NEDD4L: variants seen among roughly 807,000 people sequenced by gnomAD.
NEDD4L encodes the protein NEDD4 like E3 ubiquitin protein ligase.
Under a neutral mutation model 148.9 loss-of-function variants are expected in NEDD4L, and 54 were observed. The observed-to-expected ratio is 0.36, with a 90% CI of 0.29 to 0.45. The LOEUF (loss-of-function observed/expected upper bound fraction) is 0.45. Among genes scored for constraint, NEDD4L ranks in the 20% least tolerant of loss-of-function variants. The pLI, the probability that NEDD4L is intolerant of heterozygous loss-of-function variation, is 1.00. For synonymous variants in NEDD4L, 433 were observed against 440.7 expected (o/e 0.98, Z 0.22); for missense variants, 856 against 1,233.8 (o/e 0.69, Z 4.59).
rs1345618352 is a variant in NEDD4L at position 58,358,806 on chromosome 18, TCTTGA to T, written c.1767+1558_1767+1562del. ...TTGGCAATTTTCATTTGATTTTTCT[TCTTGA>T]CTTATACATTATTTAAAATATGCTT... On this transcript the variant is annotated intron_variant, in intron 19 of 30. Coordinates refer to ENST00000400345, the MANE Select transcript of NEDD4L (RefSeq NM_001144967.3). 5.9e-5 allele frequency among the ~76,000 whole-genome samples: 9 copies of T among 152,334 alleles called. No homozygotes were observed. The East Asian group carries it at 1.7e-3, about 29-fold the overall frequency.
intron 1 of NEDD4L, among the ~76,000 whole-genome samples, chr18:58,059,166 G>A (rs919593851): frequency 3.3e-5 from 5 of 152,026 alleles, no homozygotes; most frequent in East Asian, 1.9e-4. Context: ...TGGGCTCAGC[G>A]GTTTCTCCCA....
In NEDD4L at chr18:58,153,942, C is replaced by T. The variant is rs547995202; in HGVS notation, c.49-11846C>T. 6.6e-5 allele frequency among the ~76,000 whole-genome samples: 10 copies of T among 152,306 alleles called. No homozygotes were observed. The East Asian group carries it at 7.7e-4, about 12-fold the overall frequency. On this transcript the variant is annotated intron_variant, in intron 1 of 30. Coordinates refer to ENST00000400345, the MANE Select transcript of NEDD4L (RefSeq NM_001144967.3). ...GATTACAGGCGTGAGTCACCGCACC[C>T]GGCCCGAAATATTGTTAAAACCAAG...
chr18:58,166,386 A>G (rs2036846239), intron 2 of NEDD4L, among the ~76,000 whole-genome samples: 3 of 152,176 alleles, frequency 2.0e-5, no homozygotes, highest in African/African-American at 4.8e-5. Flanking sequence ...TCAGTATTGC[A>G]CTTGGATATT....
At position 58,398,780 on chromosome 18, in the gene NEDD4L, C is replaced by A. The variant is rs544473595; in HGVS notation, c.*2511C>A. ...TCTTGATTTCTCTGAATCGTGATGA[C>A]CACACCCAGTCATCTTCACAGCATA... On this transcript the variant is annotated 3_prime_UTR_variant, in exon 31 of 31. Transcript: ENST00000400345. The A allele has an allele frequency of 2.6e-5, 4 of 152,336 alleles. No homozygotes were observed. Among genetic ancestry groups the A allele is most frequent in the African/African-American group, 9.6e-5 (4 of 41,576 alleles). 9.4% of individuals were successfully genotyped at this position (152,336 alleles called of 1,614,324 possible).
rs937961233 is a variant in NEDD4L at position 58,256,223 on chromosome 18, C to G, written c.297+4169C>G. The G allele has an allele frequency of 5.7e-6, 7 of 1,225,212 alleles. No homozygotes were observed. The Admixed American group carries it at 1.3e-4, about 22-fold the overall frequency. 75.9% of individuals were successfully genotyped at this position (1,225,212 alleles called of 1,614,324 possible). On this transcript the variant is annotated intron_variant, in intron 5 of 30. Transcript: ENST00000400345. The surrounding 1 kb of genome is among the most constrained non-coding windows in gnomAD (Gnocchi z 5.2). ...TGCCCCGGGCCTGCGCATCCAGCACCGCGCCTCCAGCGCCGACGTGCGCCA... is the reference window on the plus strand; with the variant it reads ...TGCCCCGGGCCTGCGCATCCAGCACGGCGCCTCCAGCGCCGACGTGCGCCA...
chr18:58,283,814 A>G (rs1600685850), intron 5 of NEDD4L, among the ~76,000 whole-genome samples: 1 of 152,228 alleles, frequency 6.6e-6, no homozygotes, highest in African/African-American at 2.4e-5. Flanking sequence ...TTATTTGAAA[A>G]TAGGGTCTTT....
chr18:58,328,955 C>T lies in NEDD4L; in HGVS notation c.681-40C>T, dbSNP rs1360859110. The T allele has an allele frequency of 2.5e-6, 4 of 1,612,536 alleles. No individual in the cohort carries two copies. The African/African-American group carries it at 5.3e-5, about 22-fold the overall frequency. Reference sequence around the variant, plus strand: ...CTGTCATGAAGGGCCCGATCTCAACCACTTCTCTTCTTCTCTTTCCCCCTT... The same window carrying T: ...CTGTCATGAAGGGCCCGATCTCAACTACTTCTCTTCTTCTCTTTCCCCCTT... On this transcript the variant is annotated intron_variant, in intron 9 of 30. Coordinates refer to ENST00000400345, the MANE Select transcript of NEDD4L (RefSeq NM_001144967.3).
intron 1 of NEDD4L, among the ~76,000 whole-genome samples, chr18:58,106,457 G>A (rs2085075362): frequency 6.6e-6 from 1 of 152,192 alleles, no homozygotes; most frequent in Non-Finnish European, 1.5e-5. Flanking sequence ...TCTCCCGAGT[G>A]CTAGGTACTG....
At chr18:58,064,034 G>A (rs1366196163) in intron 1 of NEDD4L, among the ~76,000 whole-genome samples, 1 of 139,460 alleles carries the variant, frequency 7.2e-6, no homozygotes, top group African/African-American at 2.7e-5. Context: ...GCGTGATCTC[G>A]GCTCACTGCA....
intron 5 of NEDD4L, among the ~76,000 whole-genome samples, chr18:58,306,243 A>T (rs1460742581): frequency 6.6e-6 from 1 of 151,438 alleles, no homozygotes; most frequent in African/African-American, 2.4e-5. Flanking sequence ...AGAGCTGTGC[A>T]TGCTCCAGTT....
chr18:58,292,557 T>C (rs551156674), intron 5 of NEDD4L, among the ~76,000 whole-genome samples: 21 of 152,348 alleles, frequency 1.4e-4, no homozygotes, highest in African/African-American at 5.1e-4. Flanking sequence ...TAGTACTTTA[T>C]TTTTACCTTG....
At chr18:58,356,341 A>G (rs1186989593) in intron 18 of NEDD4L, among the ~76,000 whole-genome samples, 2 of 149,926 alleles carry the variant, frequency 1.3e-5, no homozygotes, top group Non-Finnish European at 3.0e-5. Flanking sequence ...ACTCTGGAGA[A>G]CCTACTCTCC....
intron 1 of NEDD4L, among the ~76,000 whole-genome samples, chr18:58,158,305 A>G (rs996087496): frequency 2.6e-5 from 4 of 152,220 alleles, no homozygotes; most frequent in Non-Finnish European, 5.9e-5. Context: ...TTTGTGACCT[A>G]ATCTCCAAAG....
At chr18:58,291,439 G>A (rs1214714768) in intron 5 of NEDD4L, among the ~76,000 whole-genome samples, 3 of 152,238 alleles carry the variant, frequency 2.0e-5, no homozygotes. Flanking sequence ...TATTTTAAAA[G>A]TGGTTAGAGT....
chr18:58,268,706 G>A (rs2050590062), intron 5 of NEDD4L, among the ~76,000 whole-genome samples: 1 of 151,946 alleles, frequency 6.6e-6, no homozygotes, highest in East Asian at 1.9e-4. Flanking sequence ...TTTAGAACGT[G>A]GATTTAAATA....
chr18:58,374,113 G>T (rs1864920), intron 24 of NEDD4L, among the ~76,000 whole-genome samples: 1 of 152,108 alleles, frequency 6.6e-6, no homozygotes, highest in Non-Finnish European at 1.5e-5. Flanking sequence ...TGAAATAGAC[G>T]TGTTCTTTAT....
intron 1 of NEDD4L, among the ~76,000 whole-genome samples, chr18:58,116,534 C>T (rs2085851688): frequency 6.6e-6 from 1 of 152,188 alleles, no homozygotes; most frequent in Admixed American, 6.5e-5. Context: ...GGGGCCAGCT[C>T]ATGGGTTGTA....
At chr18:58,098,682 C>T (rs2084573654) in intron 1 of NEDD4L, among the ~76,000 whole-genome samples, 1 of 152,174 alleles carries the variant, frequency 6.6e-6, no homozygotes, top group South Asian at 2.1e-4. Context: ...GACCCAAACT[C>T]TCACACTTTC....
chr18:58,169,297 G>A (rs58974295), intron 2 of NEDD4L, among the ~76,000 whole-genome samples: 11,354 of 152,274 alleles, frequency 0.075, 1,405 homozygotes, highest in African/African-American at 0.26. Context: ...CAGTTGGCCC[G>A]CGTGGGAAAC....
Sources: allele counts gnomAD v4.1 joint callset (sites outside exome capture counted in the v4.1 genomes callset), GRCh38; gene constraint gnomAD v4.1.1; non-coding constraint Gnocchi (gnomAD v3.1); transcripts MANE v1.5; gene names NCBI Gene and HGNC (gene_info 2026-07-23, HGNC 2026-07-21).